EXOC2: variants seen among roughly 807,000 people sequenced by gnomAD.
EXOC2 encodes the protein exocyst complex component 2, also known as SEC5-like 1.
In EXOC2, 70 loss-of-function variants were observed where a neutral mutation model predicts 131.8. That is an observed-to-expected ratio of 0.53 (90% CI 0.44 to 0.65). The LOEUF (loss-of-function observed/expected upper bound fraction) is 0.65, where lower values mean the gene tolerates loss of function less well. Among genes scored for constraint, EXOC2 ranks in the 30% least tolerant of loss-of-function variants. EXOC2 has a pLI of 0.00. For missense variants in EXOC2, 923 were observed against 1,108.6 expected (o/e 0.83, Z 2.38); for synonymous variants, 411 against 398.4 (o/e 1.03, Z -0.38).
intron 1 of EXOC2, chr6:656,966 G>A: frequency 6.7e-7 from 1 of 1,500,350 alleles, no homozygotes; most frequent in Non-Finnish European, 8.9e-7. Context: ...GAAGGCAGCT[G>A]GGGGCCTCTG....
At chr6:624,860 C>A (rs750530890) in intron 4 of EXOC2, among the ~76,000 whole-genome samples, 1 of 152,182 alleles carries the variant, frequency 6.6e-6, no homozygotes, top group Non-Finnish European at 1.5e-5. Context: ...ATTTCGGATT[C>A]TACATTTCCA....
chr6:596,501 G>A (rs1759828198), intron 10 of EXOC2, among the ~76,000 whole-genome samples: 1 of 150,402 alleles, frequency 6.6e-6, no homozygotes, highest in South Asian at 2.1e-4. Context: ...CTGAGTGGCT[G>A]GGTCTACAGG....
At chr6:682,753 TG>T (rs1353308316) in intron 1 of EXOC2, among the ~76,000 whole-genome samples, 1 of 152,202 alleles carries the variant, frequency 6.6e-6, no homozygotes, top group East Asian at 1.9e-4. Context: ...GGATTGATAA[TG>T]GATTCAGGGT....
intron 23 of EXOC2, among the ~76,000 whole-genome samples, chr6:510,291 A>G (rs552702633): frequency 1.3e-5 from 2 of 152,254 alleles, no homozygotes; most frequent in East Asian, 1.9e-4. Flanking sequence ...GATTTTTTCA[A>G]TGACTATTTG....
intron 22 of EXOC2, among the ~76,000 whole-genome samples, chr6:535,620 C>A (rs767833161): frequency 1.3e-5 from 2 of 152,122 alleles, no homozygotes; most frequent in Non-Finnish European, 2.9e-5. Flanking sequence ...AAAACTGGCA[C>A]AAGTAGTCCT....
In EXOC2 at chr6:572,673, AT is replaced by A. The variant is rs749058505; in HGVS notation, c.1319-30del. The A allele has an allele frequency of 1.1e-5, 17 of 1,603,464 alleles. No individual in the cohort carries two copies. The African/African-American group carries it at 1.9e-4, about 18-fold the overall frequency. ...AGGGGGAAAAGAATAAAATACTATG[AT>A]TGTACTTCTGAATCAAGAAAACACC... On this transcript the variant is annotated intron_variant, in intron 12 of 27. Coordinates refer to ENST00000230449, the MANE Select transcript of EXOC2 (RefSeq NM_018303.6).
At chr6:689,225 T>C (rs527471149) in intron 1 of EXOC2, 32 of 151,892 alleles carry the variant, frequency 2.1e-4, no homozygotes, top group African/African-American at 5.8e-4. Flanking sequence ...GTGGAAAATA[T>C]TACATAGAAA....
At position 532,465 on chromosome 6, in the gene EXOC2, T is replaced by G; in HGVS notation, c.2380+4A>C. Reference sequence around the variant, plus strand: ...TCTATTACTCAAGAAACTTTATTACTTACCTGTTGGAGGCAGGCAGTCCTT... The same window carrying G: ...TCTATTACTCAAGAAACTTTATTACGTACCTGTTGGAGGCAGGCAGTCCTT... On this transcript the variant is annotated splice_donor_region_variant and intron_variant, in intron 23 of 27. Transcript: ENST00000230449. 1 of 1,572,614 alleles carries G rather than the reference T, an allele frequency of 6.4e-7. No individual in the cohort carries two copies.
At chr6:501,146 A>T (rs6597071) in intron 23 of EXOC2, among the ~76,000 whole-genome samples, 7 of 47,542 alleles carry the variant, frequency 1.5e-4, no homozygotes, top group African/African-American at 4.3e-4. Context: ...ATCTATATAT[A>T]TTATATATAT....
chr6:651,683 T>TAAA (rs1169059914), intron 1 of EXOC2, among the ~76,000 whole-genome samples: 3 of 130,620 alleles, frequency 2.3e-5, no homozygotes, highest in Non-Finnish European at 5.1e-5. Flanking sequence ...AAATAAATAA[T>TAAA]AAAAAAATAA....
intron 6 of EXOC2, among the ~76,000 whole-genome samples, chr6:616,726 G>C (rs1271286321): frequency 1.3e-5 from 2 of 151,376 alleles, no homozygotes; most frequent in African/African-American, 2.4e-5. Context: ...AGGAAGAGGG[G>C]GGCTTATTTA....
At chr6:671,624 G>C (rs1763874829) in intron 1 of EXOC2, among the ~76,000 whole-genome samples, 1 of 152,054 alleles carries the variant, frequency 6.6e-6, no homozygotes, top group African/African-American at 2.4e-5. Context: ...TAATAGTTAA[G>C]GCAAATCTAA....
intron 1 of EXOC2, among the ~76,000 whole-genome samples, chr6:638,146 T>C (rs1267199574): frequency 1.3e-5 from 2 of 152,194 alleles, no homozygotes; most frequent in African/African-American, 4.8e-5. Context: ...TGTCACCACG[T>C]AGCTCCATGA....
At chr6:553,170 G>T (rs533243809) in intron 21 of EXOC2, among the ~76,000 whole-genome samples, 7 of 152,186 alleles carry the variant, frequency 4.6e-5, no homozygotes, top group African/African-American at 1.4e-4. Context: ...CACTTGCCTC[G>T]GCCTCCTAAA....
chr6:542,185 C>T (rs923681326), intron 22 of EXOC2, among the ~76,000 whole-genome samples: 1 of 152,190 alleles, frequency 6.6e-6, no homozygotes, highest in Admixed American at 6.5e-5. Context: ...ATGCTTTGTT[C>T]CTTCAGCTTG....
chr6:629,770 T>G (rs1761750987), intron 4 of EXOC2, 65 bp downstream of exon 4: 4 of 1,581,010 alleles, frequency 2.5e-6, no homozygotes, highest in Non-Finnish European at 3.4e-6. Context: ...GTCCCTTTCC[T>G]GTAAGTATAT....
At chr6:653,812 G>C (rs1382497871) in intron 1 of EXOC2, among the ~76,000 whole-genome samples, 3 of 152,244 alleles carry the variant, frequency 2.0e-5, no homozygotes, top group Non-Finnish European at 4.4e-5. Context: ...TTCATAGCTA[G>C]AGAGGAGAAG....
At chr6:604,352 A>G (rs1172403752) in intron 7 of EXOC2, among the ~76,000 whole-genome samples, 1 of 152,082 alleles carries the variant, frequency 6.6e-6, no homozygotes, top group Non-Finnish European at 1.5e-5. Flanking sequence ...TACCTTCACT[A>G]GCAGCCACGT....
intron 20 of EXOC2, 122 bp from the exon 21 acceptor site, chr6:554,042 T>C (rs1757289020): frequency 1.5e-6 from 1 of 667,408 alleles, no homozygotes. Context: ...GAAAGTCACA[T>C]AACTTTTTTT....
Sources: allele counts gnomAD v4.1 joint callset (sites outside exome capture counted in the v4.1 genomes callset), GRCh38; gene constraint gnomAD v4.1.1; transcripts MANE v1.5; gene names NCBI Gene and HGNC (gene_info 2026-07-23, HGNC 2026-07-21).